AGTPBP1: variants seen among roughly 807,000 people sequenced by gnomAD.
The protein encoded by AGTPBP1 is ATP/GTP binding carboxypeptidase 1, also known as cytosolic carboxypeptidase 1.
In AGTPBP1, 70 loss-of-function variants were observed where a neutral mutation model predicts 143.9. The ratio of observed to expected loss-of-function variants is 0.49; its 90% CI spans 0.40 to 0.59. AGTPBP1 has a LOEUF of 0.59. Among genes scored for constraint, AGTPBP1 ranks in the 20% least tolerant of loss-of-function variants. AGTPBP1 has a pLI of 0.00. For synonymous variants in AGTPBP1, 463 were observed against 500.2 expected (o/e 0.93, Z 0.99); for missense variants, 1,229 against 1,464.5 (o/e 0.84, Z 2.62).
chr9:85,640,384 T>C (rs1181265840), intron 13 of AGTPBP1, among the ~76,000 whole-genome samples: 1 of 152,234 alleles, frequency 6.6e-6, no homozygotes, highest in Non-Finnish European at 1.5e-5. Context: ...CTATTTCCTA[T>C]TACATACGCT....
In AGTPBP1 at chr9:85,589,519, C is replaced by T. The variant is rs373873834; in HGVS notation, c.2722+9G>A. The T allele has an allele frequency of 6.6e-5, 105 of 1,596,350 alleles. No individual in the cohort carries two copies. The highest frequency in any genetic ancestry group is 6.1e-4 in the South Asian group (53 of 87,482). On this transcript the variant is annotated intron_variant, in intron 20 of 25. Transcript: ENST00000357081. ...TGACTGCTATTGTGAGTTGGGAAGACAAACTTACTGAAATGGCAGATATGT... is the reference window on the plus strand; with the variant it reads ...TGACTGCTATTGTGAGTTGGGAAGATAAACTTACTGAAATGGCAGATATGT...
At chr9:85,584,124 G>A (rs760273864) in intron 23 of AGTPBP1, among the ~76,000 whole-genome samples, 1 of 152,008 alleles carries the variant, frequency 6.6e-6, no homozygotes, top group Non-Finnish European at 1.5e-5. Flanking sequence ...CCTCTCACTA[G>A]TCTCATTTTC....
intron 8 of AGTPBP1, among the ~76,000 whole-genome samples, chr9:85,666,111 C>G (rs532909894): frequency 2.5e-4 from 38 of 152,030 alleles, no homozygotes; most frequent in Non-Finnish European, 4.9e-4. Flanking sequence ...AAAAAGTAGT[C>G]TGTGGCTTAG....
chr9:85,603,273 G>A (rs1288669005), intron 17 of AGTPBP1, among the ~76,000 whole-genome samples: 169 of 152,284 alleles, frequency 1.1e-3, no homozygotes, highest in African/African-American at 3.9e-3. Flanking sequence ...CTTGAGAGTG[G>A]AGACGGGAGA....
intron 2 of AGTPBP1, among the ~76,000 whole-genome samples, chr9:85,695,898 G>A (rs1836203961): frequency 6.6e-6 from 1 of 151,396 alleles, no homozygotes; most frequent in African/African-American, 2.4e-5. Flanking sequence ...CTGGAGTACA[G>A]TGGCGCAATC....
chr9:85,638,564 T>G (rs983468094), intron 13 of AGTPBP1, among the ~76,000 whole-genome samples: 9 of 152,116 alleles, frequency 5.9e-5, no homozygotes, highest in African/African-American at 2.2e-4. Context: ...AAACTCAGAT[T>G]TGGTATTTTT....
At chr9:85,690,226 A>C (rs1204424348) in intron 3 of AGTPBP1, among the ~76,000 whole-genome samples, 1 of 152,070 alleles carries the variant, frequency 6.6e-6, no homozygotes, top group Non-Finnish European at 1.5e-5. Context: ...GGTTGTTTGC[A>C]TTTCTTCTTT....
At chr9:85,668,410 C>T (rs1310388543) in intron 8 of AGTPBP1, among the ~76,000 whole-genome samples, 1 of 151,606 alleles carries the variant, frequency 6.6e-6, no homozygotes, top group Non-Finnish European at 1.5e-5. Context: ...CTACAGTGTG[C>T]CATGATCATG....
chr9:85,592,725 A>G, intron 18 of AGTPBP1, 21 bp from the exon 19 acceptor site: 1 of 1,604,808 alleles, frequency 6.2e-7, no homozygotes. Context: ...AACGCATAAA[A>G]CATGTTCATT....
the AGTPBP1 span, among the ~76,000 whole-genome samples, chr9:85,785,381 A>G: frequency 0.017 from 2,587 of 152,282 alleles, 76 homozygotes; most frequent in African/African-American, 0.058. Flanking sequence ...CTAAAAGTAT[A>G]CTAAGCATGC....
chr9:85,567,429 A>G (rs149245290), intron 25 of AGTPBP1, among the ~76,000 whole-genome samples: 71 of 152,172 alleles, frequency 4.7e-4, no homozygotes, highest in African/African-American at 1.6e-3. Context: ...CGTATCTACT[A>G]AAAATACAAA....
At chr9:85,757,147 A>G in the AGTPBP1 span, among the ~76,000 whole-genome samples, 17 of 152,076 alleles carry the variant, frequency 1.1e-4, no homozygotes, top group African/African-American at 2.9e-4. Flanking sequence ...GCTCACTGCA[A>G]CCTCTGCCTC....
At chr9:85,725,512 CCCTCTCAAATTA>C (rs1364590826) in intron 1 of AGTPBP1, among the ~76,000 whole-genome samples, 9 of 152,038 alleles carry the variant, frequency 5.9e-5, no homozygotes, top group Non-Finnish European at 1.3e-4. Flanking sequence ...ATCAGCCTCT[CCCTCTCAAATTA>C]CCTCCACAAA....
At chr9:85,591,379 G>C (rs1193513293) in intron 19 of AGTPBP1, among the ~76,000 whole-genome samples, 1 of 152,020 alleles carries the variant, frequency 6.6e-6, no homozygotes, top group Non-Finnish European at 1.5e-5. Flanking sequence ...AAGAGCAAAG[G>C]GGTCAAAACT....
At position 85,655,315 on chromosome 9, in the gene AGTPBP1, A is replaced by G. The variant is rs1238190540; in HGVS notation, c.915T>C (p.Cys305=). The stretch of plus-strand genomic sequence containing the variant: ...GAGGATCCAGAGTCCTGACTGCCAG[A>G]CATTCCTGTTTTTTAAAAAAAGAAA... ...MKILYNTSQE[C]LAVRTLDPLV... The change falls in exon 11 of 26, where the codon TGT becomes TGC. Residue 305 remains cysteine (C), a synonymous_variant. Transcript: ENST00000357081. 7 of 1,506,638 alleles carry G rather than the reference A, an allele frequency of 4.6e-6. No homozygotes were observed. Among genetic ancestry groups the G allele is most frequent in the Non-Finnish European group, 6.2e-6 (7 of 1,129,590 alleles). The allele number at this position is 1,506,638 out of a possible 1,614,324, so 93.3% of individuals were successfully genotyped here.
At chr9:85,630,395 TTTATTTAG>T (rs1276257270) in intron 14 of AGTPBP1, among the ~76,000 whole-genome samples, 2 of 145,414 alleles carry the variant, frequency 1.4e-5, no homozygotes, top group African/African-American at 4.9e-5. Flanking sequence ...TACTTACTTA[TTTATTTAG>T]TTATTTATTT....
Position 85,642,495 on chromosome 9 carries a change from A to AT in AGTPBP1, c.1302+331dup, listed in dbSNP as rs569675176. On this transcript the variant is annotated intron_variant, in intron 13 of 25. Coordinates refer to ENST00000357081, the MANE Select transcript of AGTPBP1 (RefSeq NM_001330701.2). ...AGGAACGTGCCACCACACCCAGCTA[A>AT]TTTTTTTTTTTATATTTTAGTAGTG... is the stretch of plus-strand genomic sequence containing the variant. Among the ~76,000 whole-genome samples, 34 of 147,886 alleles carry AT rather than the reference A, an allele frequency of 2.3e-4. No homozygotes were observed. The South Asian group carries it at 2.6e-3, about 11-fold the overall frequency.
chr9:85,733,435 AG>A (rs1839019239), intron 1 of AGTPBP1, among the ~76,000 whole-genome samples: 1 of 152,184 alleles, frequency 6.6e-6, no homozygotes, highest in African/African-American at 2.4e-5. Flanking sequence ...ATGAAAGCAA[AG>A]ACATGACATA....
chr9:85,760,576 A>G, the AGTPBP1 span, among the ~76,000 whole-genome samples: 1 of 152,248 alleles, frequency 6.6e-6, no homozygotes, highest in Non-Finnish European at 1.5e-5. Flanking sequence ...ACAGCCCTTC[A>G]TGCTAAAAAC....
Sources: allele counts gnomAD v4.1 joint callset (sites outside exome capture counted in the v4.1 genomes callset), GRCh38; gene constraint gnomAD v4.1.1; transcripts MANE v1.5; gene names NCBI Gene and HGNC (gene_info 2026-07-23, HGNC 2026-07-21).